ASTN2: variants seen among roughly 807,000 people sequenced by gnomAD.
ASTN2 encodes the protein astrotactin-2.
Under a neutral mutation model 139.8 loss-of-function variants are expected in ASTN2, and 54 were observed. That is an observed-to-expected ratio of 0.39 (90% CI 0.31 to 0.48). The LOEUF (loss-of-function observed/expected upper bound fraction) is 0.48. Among genes scored for constraint, ASTN2 ranks in the 20% least tolerant of loss-of-function variants. The pLI is 0.95. For missense variants in ASTN2, 1,565 were observed against 1,725.1 expected, an observed-to-expected ratio of 0.91 and a Z score of 1.64; for synonymous variants, 756 against 719.5, an observed-to-expected ratio of 1.05 and a Z score of -0.81.
chr9:117,368,929 T>G (rs1279690577), intron 1 of ASTN2, among the ~76,000 whole-genome samples: 2 of 152,128 alleles, frequency 1.3e-5, no homozygotes, highest in African/African-American at 4.8e-5. Flanking sequence ...CACAGAATAG[T>G]TCTGCTTGAA....
intron 1 of ASTN2, among the ~76,000 whole-genome samples, chr9:117,354,543 T>C (rs1829482619): frequency 6.6e-6 from 1 of 152,234 alleles, no homozygotes; most frequent in Non-Finnish European, 1.5e-5. Context: ...TGTGCACCCA[T>C]GCACTGAGTA....
intron 19 of ASTN2, among the ~76,000 whole-genome samples, chr9:116,556,017 C>T (rs1283827050): frequency 1.3e-5 from 2 of 152,192 alleles, no homozygotes; most frequent in East Asian, 1.9e-4. Context: ...CTCTCTTCAA[C>T]AGCACTGCAT....
chr9:116,436,739 G>A (rs921426690), intron 22 of ASTN2, among the ~76,000 whole-genome samples: 2 of 152,018 alleles, frequency 1.3e-5, no homozygotes, highest in Non-Finnish European at 2.9e-5. Context: ...AAATCATGCT[G>A]CTATAAAGAC....
chr9:117,326,935 G>A (rs115520973), intron 1 of ASTN2, among the ~76,000 whole-genome samples: 435 of 152,262 alleles, frequency 2.9e-3, no homozygotes, highest in African/African-American at 9.9e-3. Context: ...CCTCAAGGAC[G>A]TAGAGCAATG....
At chr9:116,896,148 A>G (rs1375707670) in intron 10 of ASTN2, among the ~76,000 whole-genome samples, 2 of 152,154 alleles carry the variant, frequency 1.3e-5, no homozygotes, top group South Asian at 2.1e-4. Flanking sequence ...ATTGAGTTCT[A>G]TGAGAGCTGA....
chr9:116,968,887 A>C (rs1165603972), intron 10 of ASTN2, among the ~76,000 whole-genome samples: 1 of 138,480 alleles, frequency 7.2e-6, no homozygotes, highest in Non-Finnish European at 1.5e-5. Context: ...TGACAGAGTG[A>C]GACTCTGTCT....
At chr9:116,929,409 C>T (rs1020940373) in intron 10 of ASTN2, among the ~76,000 whole-genome samples, 1 of 152,142 alleles carries the variant, frequency 6.6e-6, no homozygotes, top group Admixed American at 6.6e-5. Flanking sequence ...GGTATTGATG[C>T]TGCAGAGTCA....
intron 1 of ASTN2, among the ~76,000 whole-genome samples, chr9:117,348,632 C>T (rs1829297972): frequency 6.6e-6 from 1 of 152,036 alleles, no homozygotes; most frequent in Non-Finnish European, 1.5e-5. Context: ...TGTGGGTAGT[C>T]ATTTGTCTAC....
chr9:116,686,822 A>G, intron 16 of ASTN2: 1 of 1,550,570 alleles, frequency 6.4e-7, no homozygotes, highest in Non-Finnish European at 8.7e-7. Context: ...ACTTGTCTCT[A>G]GTGCAGCTCT....
intron 7 of ASTN2, among the ~76,000 whole-genome samples, chr9:116,990,093 C>A (rs1421254303): frequency 6.6e-6 from 1 of 152,126 alleles, no homozygotes; most frequent in African/African-American, 2.4e-5. Flanking sequence ...CAAGTAAAAT[C>A]CCCAAATCCA....
intron 7 of ASTN2, among the ~76,000 whole-genome samples, chr9:116,981,889 A>G (rs193039604): frequency 2.6e-5 from 4 of 152,322 alleles, no homozygotes; most frequent in Admixed American, 2.0e-4. Flanking sequence ...ATTCAATTGG[A>G]TGGTTTTCTA....
At chr9:116,496,737 T>C (rs1849680159) in intron 19 of ASTN2, among the ~76,000 whole-genome samples, 1 of 152,208 alleles carries the variant, frequency 6.6e-6, no homozygotes, top group South Asian at 2.1e-4. Context: ...CAGTTCCACA[T>C]GGCTGGGGAG....
At chr9:116,657,666 C>T (rs905832723) in intron 16 of ASTN2, among the ~76,000 whole-genome samples, 1 of 152,140 alleles carries the variant, frequency 6.6e-6, no homozygotes, top group African/African-American at 2.4e-5. Flanking sequence ...CATGGCAAAA[C>T]CCCATGCCGA....
Position 117,366,551 on chromosome 9 carries a change from C to G in ASTN2, c.442+47946G>C, listed in dbSNP as rs1829848539. 1.5e-4 allele frequency among the ~76,000 whole-genome samples: 23 copies of G among 152,114 alleles called. No homozygotes were observed. The South Asian group carries it at 4.6e-3, about 30-fold the overall frequency. ...CCATGATCTTTTCATAAGAAATCCCCCCTCTCTCTAACTCCTCTGAGAACA... is the reference window on the plus strand; with the variant it reads ...CCATGATCTTTTCATAAGAAATCCCGCCTCTCTCTAACTCCTCTGAGAACA... On this transcript the variant is annotated intron_variant, in intron 1 of 22. Coordinates refer to ENST00000313400, the MANE Select transcript of ASTN2 (RefSeq NM_001365068.1).
At chr9:117,114,497 T>C (rs1829329730) in intron 4 of ASTN2, among the ~76,000 whole-genome samples, 2 of 152,222 alleles carry the variant, frequency 1.3e-5, no homozygotes, top group African/African-American at 4.8e-5. Context: ...AATTGTTTTG[T>C]ATATTCAAAA....
At chr9:116,531,625 T>A (rs1851354995) in intron 19 of ASTN2, among the ~76,000 whole-genome samples, 1 of 151,936 alleles carries the variant, frequency 6.6e-6, no homozygotes, top group South Asian at 2.1e-4. Flanking sequence ...GGTTGGTTTT[T>A]TGTCCTTGTG....
chr9:116,619,702 T>TC (rs1161846663), intron 18 of ASTN2, among the ~76,000 whole-genome samples: 1 of 146,490 alleles, frequency 6.8e-6, no homozygotes, highest in Non-Finnish European at 1.5e-5. Flanking sequence ...TTTTTTTTTT[T>TC]TTTTTTTTTT....
chr9:116,861,789 G>C (rs372935741), intron 11 of ASTN2, among the ~76,000 whole-genome samples: 5 of 152,162 alleles, frequency 3.3e-5, no homozygotes, highest in African/African-American at 1.2e-4. Flanking sequence ...GACAGTAGTT[G>C]GAGGTACTAG....
At chr9:116,889,615 G>C (rs1470718688) in intron 10 of ASTN2, among the ~76,000 whole-genome samples, 8 of 152,012 alleles carry the variant, frequency 5.3e-5, no homozygotes, top group Admixed American at 5.3e-4. Context: ...TGGTGCAGTG[G>C]TGGCTCATGC....
Sources: gnomAD v4.1 joint callset for allele counts (sites outside exome capture counted in the v4.1 genomes callset) on GRCh38, gnomAD v4.1.1 for gene constraint, MANE v1.5 for transcripts, NCBI Gene and HGNC (gene_info 2026-07-23, HGNC 2026-07-21) for gene names.